The following XRN1 variants were observed in gnomAD, a reference collection of about 807,000 sequenced individuals.
XRN1 encodes strand-exchange protein 1 homolog.
In XRN1, 67 loss-of-function variants were observed where a neutral mutation model predicts 222.3. The observed-to-expected ratio is 0.30, with a 90% CI of 0.25 to 0.37. The LOEUF (loss-of-function observed/expected upper bound fraction) is 0.37, where lower values mean the gene tolerates loss of function less well. XRN1 is among the 10% of genes least tolerant of loss of function. The probability of loss-of-function intolerance (pLI) is 1.00; values close to 1 mark genes in which losing one functional copy is unlikely to be tolerated. For synonymous variants in XRN1, 643 were observed against 652.4 expected (o/e 0.99, Z 0.22); for missense variants, 1,707 against 2,000.2 (o/e 0.85, Z 2.80).
At chr3:142,392,939 C>T (rs1345223660) in intron 20 of XRN1, among the ~76,000 whole-genome samples, 1 of 149,326 alleles carries the variant, frequency 6.7e-6, no homozygotes, top group African/African-American at 2.5e-5. Flanking sequence ...ACAGTCCCAC[C>T]AACAGTGTAA....
intron 5 of XRN1, 40 bp downstream of exon 5, chr3:142,425,182 T>C (rs1000567963): frequency 1.5e-6 from 2 of 1,349,512 alleles, no homozygotes; most frequent in African/African-American, 3.0e-5. Context: ...GATATTTAAC[T>C]ATCAATGCAT....
chr3:142,421,094 A>C lies in XRN1; in HGVS notation c.1095T>G (p.Val365=), dbSNP rs2069012417. The change falls in exon 10 of 41, where the codon GTT becomes GTG. Residue 365 remains valine (V), a synonymous_variant. Transcript: ENST00000392981. The part of the protein sequence containing the change: ...FVDLKWFESK[V]GNKYLNEAAG... ...CTGCTTCATTGAGGTACTTGTTACC[A>C]ACTTTGCTTTCAAACCATTTTAGGT... 6.2e-7 allele frequency: 1 copy of C among 1,614,056 alleles called. No homozygotes were observed. The highest frequency in any genetic ancestry group is 8.5e-7 in the Non-Finnish European group (1 of 1,179,976).
chr3:142,318,651 G>A lies in XRN1; in HGVS notation c.4562C>T (p.Ala1521Val). 6.2e-7 allele frequency: 1 copy of A among 1,610,052 alleles called. No homozygotes were observed. The change falls in exon 39 of 41, where the codon GCA (alanine) becomes GTA (valine). Residue 1521 changes from alanine to valine, a missense_variant. Physicochemically the swap from Ala to Val is moderately conservative, Grantham distance 64. Transcript: ENST00000392981. Reference protein sequence around the residue: ...MNFPLPSQVFANYPSAVPPGT... With the variant: ...MNFPLPSQVFVNYPSAVPPGT... Reference sequence around the variant, plus strand: ...AGGTGGTACAGCTGAAGGATAATTTGCAAATACTTGTGAAGGCAAAGGGAA... The same window carrying A: ...AGGTGGTACAGCTGAAGGATAATTTACAAATACTTGTGAAGGCAAAGGGAA...
At chr3:142,418,959 ATTT>A (rs1282831694) in intron 10 of XRN1, 78 bp from the exon 11 acceptor site, 1 of 1,395,604 alleles carries the variant, frequency 7.2e-7, no homozygotes, top group Non-Finnish European at 1.0e-6. Context: ...CCATGCACCC[ATTT>A]GCTTTTCTAT....
At chr3:142,401,634 C>G (rs1228683539) in intron 18 of XRN1, among the ~76,000 whole-genome samples, 1 of 152,074 alleles carries the variant, frequency 6.6e-6, no homozygotes, top group Non-Finnish European at 1.5e-5. Flanking sequence ...AGGAGAATCG[C>G]TCCTGGGCAG....
In XRN1 at chr3:142,448,020, G is replaced by T. The variant is rs756468186; in HGVS notation, c.-76C>A. 51 of 1,498,848 alleles carry T rather than the reference G, an allele frequency of 3.4e-5. No homozygotes were observed. The highest frequency in any genetic ancestry group is 4.7e-5 in the Non-Finnish European group (51 of 1,083,480). The allele number at this position is 1,498,848 out of a possible 1,614,324, so 92.8% of individuals were successfully genotyped here. ...CCGCCGGGGCTCCGCCGCAGCCTCC[G>T]GTCGTCGCTCCGCGGATGACAACAC... On this transcript the variant is annotated 5_prime_UTR_variant, in exon 1 of 41. Coordinates refer to ENST00000392981, the MANE Select transcript of XRN1 (RefSeq NM_001282857.2).
At chr3:142,363,039 T>C (rs542288797) in intron 29 of XRN1, among the ~76,000 whole-genome samples, 2 of 152,186 alleles carry the variant, frequency 1.3e-5, no homozygotes, top group East Asian at 3.9e-4. Context: ...CCTCCCAAAG[T>C]GTTGGGATTA....
At chr3:142,431,622 G>C (rs1010615624) in intron 2 of XRN1, among the ~76,000 whole-genome samples, 2 of 151,070 alleles carry the variant, frequency 1.3e-5, no homozygotes, top group African/African-American at 2.4e-5. Context: ...TTTGAGATCA[G>C]CCTGGCCAAC....
intron 13 of XRN1, 178 bp from the exon 14 acceptor site, chr3:142,414,469 C>T (rs901965340): frequency 8.9e-5 from 38 of 427,998 alleles, no homozygotes; most frequent in African/African-American, 2.5e-4. Flanking sequence ...TTAGGTCATC[C>T]GATGGCAACA....
chr3:142,443,244 C>A (rs1224112925), intron 1 of XRN1, among the ~76,000 whole-genome samples: 1 of 152,174 alleles, frequency 6.6e-6, no homozygotes, highest in Admixed American at 6.5e-5. Flanking sequence ...ACCCCTACTA[C>A]GTGCCAATTC....
chr3:142,391,656 G>A lies in XRN1; in HGVS notation c.2339+5673C>T, dbSNP rs548856565. On this transcript the variant is annotated intron_variant, in intron 20 of 40. Coordinates refer to ENST00000392981, the MANE Select transcript of XRN1 (RefSeq NM_001282857.2). ...AGGCAGGAGGATTGCTCGAACTCAGGAGCTCCAGGTTGTGGTGAGGTATAA... is the reference window on the plus strand; with the variant it reads ...AGGCAGGAGGATTGCTCGAACTCAGAAGCTCCAGGTTGTGGTGAGGTATAA... Among the ~76,000 whole-genome samples the A allele has an allele frequency of 4.6e-5, 7 of 150,788 alleles. No individual in the cohort carries two copies. The South Asian group carries it at 1.5e-3, about 32-fold the overall frequency.
chr3:142,392,325 C>CTTTTTTTTTTTTTTTTTTT (rs58724846), intron 20 of XRN1, among the ~76,000 whole-genome samples: 2 of 143,288 alleles, frequency 1.4e-5, no homozygotes, highest in Non-Finnish European at 3.1e-5. Context: ...CCAGCAATTT[C>CTTTTTTTTTTTTTTTTTTT]TTTTTTTTTT....
At chr3:142,385,816 T>C (rs2067479767) in intron 20 of XRN1, among the ~76,000 whole-genome samples, 1 of 152,066 alleles carries the variant, frequency 6.6e-6, no homozygotes, top group African/African-American at 2.4e-5. Flanking sequence ...CTGAAGGAAT[T>C]CCTAAGGTTG....
In XRN1 at chr3:142,311,385, GAA is replaced by G. The variant is rs140812528; in HGVS notation, c.*124_*125del. 0.12 allele frequency: 116,864 copies of G among 940,192 alleles called. 7,451 individuals carry two copies. The highest frequency in any genetic ancestry group is 0.13 in the Non-Finnish European group (88,354 of 672,578). 58.2% of individuals were successfully genotyped at this position (940,192 alleles called of 1,614,324 possible). A position where few individuals can be genotyped will look rare whatever the true frequency, so the allele number is the denominator to read the frequency against. On this transcript the variant is annotated 3_prime_UTR_variant, in exon 41 of 41. Transcript: ENST00000392981. ...GAAAAGTGCCTGATAACTTAAAAAT[GAA>G]AAAAATTTCAATTTACACATATTAT...
intron 20 of XRN1, among the ~76,000 whole-genome samples, chr3:142,388,527 A>C (rs2067594325): frequency 6.6e-6 from 1 of 152,188 alleles, no homozygotes; most frequent in Non-Finnish European, 1.5e-5. Flanking sequence ...ATTGCTCAAA[A>C]ATGCTAACAG....
At chr3:142,394,324 G>A (rs1303310320) in intron 20 of XRN1, among the ~76,000 whole-genome samples, 2 of 152,096 alleles carry the variant, frequency 1.3e-5, no homozygotes, top group African/African-American at 4.8e-5. Context: ...GGCTGTGACT[G>A]GTGAACTCAC....
At chr3:142,446,653 A>T (rs956274955) in intron 1 of XRN1, among the ~76,000 whole-genome samples, 1 of 152,248 alleles carries the variant, frequency 6.6e-6, no homozygotes, top group African/African-American at 2.4e-5. Flanking sequence ...TATAGCAGGT[A>T]CTGACTGAAG....
intron 30 of XRN1, among the ~76,000 whole-genome samples, chr3:142,357,502 C>T (rs948622627): frequency 8.5e-5 from 13 of 152,094 alleles, no homozygotes; most frequent in African/African-American, 3.1e-4. Flanking sequence ...TCCTAACTCA[C>T]TGCAGTTTCG....
At chr3:142,413,999 TA>T (rs1473934345) in intron 14 of XRN1, 135 bp downstream of exon 14, 7 of 940,670 alleles carry the variant, frequency 7.4e-6, no homozygotes, top group Non-Finnish European at 9.0e-6. Flanking sequence ...AGGGACTTGT[TA>T]AAAAAATACT....
Sources: allele counts gnomAD v4.1 joint callset (sites outside exome capture counted in the v4.1 genomes callset), GRCh38; gene constraint gnomAD v4.1.1; transcripts MANE v1.5; gene names NCBI Gene and HGNC (gene_info 2026-07-23, HGNC 2026-07-21).